The following CDC42BPA variants were observed in gnomAD, a reference collection of about 807,000 sequenced individuals.
The protein encoded by CDC42BPA is serine/threonine-protein kinase MRCK alpha.
In CDC42BPA, 80 loss-of-function variants were observed where a neutral mutation model predicts 223.5. That is an observed-to-expected ratio of 0.36 (90% CI 0.30 to 0.43). The LOEUF (loss-of-function observed/expected upper bound fraction) is 0.43. Among genes scored for constraint, CDC42BPA ranks in the 20% least tolerant of loss-of-function variants. CDC42BPA has a pLI of 1.00. For missense variants in CDC42BPA, 1,743 were observed against 2,099.9 expected, an observed-to-expected ratio of 0.83 and a Z score of 3.32; for synonymous variants, 694 against 718.6, an observed-to-expected ratio of 0.97 and a Z score of 0.55.
chr1:227,240,540 C>T (rs1455179030), intron 2 of CDC42BPA, among the ~76,000 whole-genome samples: 1 of 151,926 alleles, frequency 6.6e-6, no homozygotes, highest in Non-Finnish European at 1.5e-5. Flanking sequence ...GGAATCAAGA[C>T]TGTGGTATTA....
intron 21 of CDC42BPA, among the ~76,000 whole-genome samples, chr1:227,061,158 A>T (rs1675852073): frequency 6.6e-6 from 1 of 152,202 alleles, no homozygotes; most frequent in Admixed American, 6.5e-5. Flanking sequence ...CTAAAGTCTC[A>T]GGTTCAAACC....
chr1:227,262,081 C>T (rs1684178348), intron 1 of CDC42BPA, among the ~76,000 whole-genome samples: 1 of 151,796 alleles, frequency 6.6e-6, no homozygotes, highest in African/African-American at 2.4e-5. Flanking sequence ...AAATAGAACA[C>T]CAAAATGGGG....
chr1:227,089,074 A>G (rs1354622660), intron 16 of CDC42BPA, among the ~76,000 whole-genome samples: 1 of 152,184 alleles, frequency 6.6e-6, no homozygotes, highest in Non-Finnish European at 1.5e-5. Context: ...AGATTTACAA[A>G]AATGTCATCT....
intron 23 of CDC42BPA, among the ~76,000 whole-genome samples, chr1:227,042,531 TATAAC>T (rs1375521898): frequency 3.3e-5 from 5 of 152,154 alleles, no homozygotes; most frequent in East Asian, 1.9e-4. Context: ...CTAAGGATAG[TATAAC>T]ATAACATAAT....
At chr1:227,270,191 C>A (rs143758150) in intron 1 of CDC42BPA, among the ~76,000 whole-genome samples, 70 of 152,214 alleles carry the variant, frequency 4.6e-4, no homozygotes, top group African/African-American at 1.6e-3. Context: ...AAAGCAGTCA[C>A]ATAAACAATG....
intron 1 of CDC42BPA, among the ~76,000 whole-genome samples, chr1:227,306,059 G>A (rs1692479547): frequency 6.6e-6 from 1 of 151,062 alleles, no homozygotes; most frequent in African/African-American, 2.4e-5. Flanking sequence ...GAGTTCAAAT[G>A]TCATTCTGAA....
At chr1:227,276,426 C>T (rs1170626687) in intron 1 of CDC42BPA, among the ~76,000 whole-genome samples, 1 of 151,846 alleles carries the variant, frequency 6.6e-6, no homozygotes, top group Admixed American at 6.5e-5. Flanking sequence ...CTCCGCCTGG[C>T]AGCTGCCCCG....
chr1:227,167,854 T>C (rs958154023), intron 5 of CDC42BPA, among the ~76,000 whole-genome samples: 2 of 152,234 alleles, frequency 1.3e-5, no homozygotes, highest in African/African-American at 2.4e-5. Context: ...TTTCATGTAG[T>C]ATCATTTCCC....
chr1:227,035,012 G>A (rs1029973261), intron 25 of CDC42BPA, among the ~76,000 whole-genome samples: 1 of 152,106 alleles, frequency 6.6e-6, no homozygotes, highest in African/African-American at 2.4e-5. Context: ...TTTATTCTGA[G>A]AAACATTTTA....
At chr1:227,255,069 T>C (rs1192667402) in intron 1 of CDC42BPA, among the ~76,000 whole-genome samples, 1 of 152,230 alleles carries the variant, frequency 6.6e-6, no homozygotes, top group East Asian at 1.9e-4. Flanking sequence ...TGTAATCTTA[T>C]TAATAATTTT....
At position 226,994,088 on chromosome 1, in the gene CDC42BPA, G is replaced by C; in HGVS notation, c.*180C>G. 1.8e-6 allele frequency: 1 copy of C among 555,206 alleles called. No homozygotes were observed. The highest frequency in any genetic ancestry group is 3.2e-6 in the Non-Finnish European group (1 of 312,934). The allele number at this position is 555,206 out of a possible 1,614,324, so 34.4% of individuals were successfully genotyped here. On this transcript the variant is annotated 3_prime_UTR_variant, in exon 37 of 37. Coordinates refer to ENST00000366766, the MANE Select transcript of CDC42BPA (RefSeq NM_001394014.1). The surrounding 1 kb of genome is among the most constrained non-coding windows in gnomAD (Gnocchi z 4.0). ...CGGAAAGTCTGTCTTTGTTGTTGCT[G>C]TTAGGCTGGGGGCGTGGATCTGAGA...
chr1:227,222,052 C>CAAA (rs60588018), intron 2 of CDC42BPA, among the ~76,000 whole-genome samples: 14 of 86,494 alleles, frequency 1.6e-4, no homozygotes, highest in Admixed American at 6.8e-4. Flanking sequence ...CTATCTCTAC[C>CAAA]AAAAAAAAAA....
At chr1:227,253,389 A>G (rs1225447836) in intron 2 of CDC42BPA, among the ~76,000 whole-genome samples, 1 of 152,202 alleles carries the variant, frequency 6.6e-6, no homozygotes, top group Non-Finnish European at 1.5e-5. Context: ...TGAGGTCAGG[A>G]ATTTGAGACC....
intron 6 of CDC42BPA, among the ~76,000 whole-genome samples, chr1:227,150,858 A>G (rs1661612264): frequency 8.7e-6 from 1 of 114,974 alleles, no homozygotes; most frequent in South Asian, 3.7e-4. Context: ...CCTCCCTGAA[A>G]AAAAAAAAAA....
At chr1:227,313,655 T>A (rs955339502) in intron 1 of CDC42BPA, among the ~76,000 whole-genome samples, 6 of 152,018 alleles carry the variant, frequency 3.9e-5, no homozygotes, top group African/African-American at 1.2e-4. Context: ...TAAATTCTAC[T>A]CAGGAAAAGC....
At chr1:227,192,622 G>A (rs915777469) in intron 5 of CDC42BPA, among the ~76,000 whole-genome samples, 3 of 152,062 alleles carry the variant, frequency 2.0e-5, no homozygotes, top group African/African-American at 4.8e-5. Context: ...CACCAACAAC[G>A]TTCTGCTGTT....
intron 12 of CDC42BPA, among the ~76,000 whole-genome samples, chr1:227,113,603 T>C (rs1423867862): frequency 6.6e-6 from 1 of 151,808 alleles, no homozygotes; most frequent in African/African-American, 2.4e-5. Context: ...ACAAAATTGC[T>C]ACATATGAAA....
intron 1 of CDC42BPA, among the ~76,000 whole-genome samples, chr1:227,279,751 A>T (rs550453570): frequency 2.2e-4 from 33 of 152,254 alleles, no homozygotes; most frequent in South Asian, 1.2e-3. Flanking sequence ...TCACACACAC[A>T]CAAAATTTAA....
At chr1:227,113,895 T>C (rs1221901098) in intron 12 of CDC42BPA, among the ~76,000 whole-genome samples, 3 of 146,218 alleles carry the variant, frequency 2.1e-5, no homozygotes, top group African/African-American at 7.6e-5. Flanking sequence ...GGTATGGTGG[T>C]ATGCACCTAT....
Sources: allele counts gnomAD v4.1 joint callset (sites outside exome capture counted in the v4.1 genomes callset), GRCh38; gene constraint gnomAD v4.1.1; non-coding constraint Gnocchi (gnomAD v3.1); transcripts MANE v1.5; gene names NCBI Gene and HGNC (gene_info 2026-07-23, HGNC 2026-07-21).